Variants in CSMD1 observed in about 807,000 individuals in gnomAD.
CSMD1 encodes the protein CUB and sushi domain-containing protein 1.
In CSMD1, 213 loss-of-function variants were observed where a neutral mutation model predicts 417.5. The observed-to-expected ratio is 0.51, with a 90% CI of 0.46 to 0.57. CSMD1 has a LOEUF of 0.57. Ranked by LOEUF, CSMD1 falls within the 20% of genes least tolerant of loss-of-function variation. The pLI is 0.00. For missense variants in CSMD1, 6,923 were observed against 4,529.7 expected, an observed-to-expected ratio of 1.53 and a Z score of -15.17; for synonymous variants, 2,862 against 1,736.8, an observed-to-expected ratio of 1.65 and a Z score of -16.11.
chr8:3,800,747 G>C lies in CSMD1; in HGVS notation c.819-46705C>G, dbSNP rs191506596. 1.6e-4 allele frequency among the ~76,000 whole-genome samples: 24 copies of C among 152,184 alleles called. No individual in the cohort carries two copies. The East Asian group carries it at 4.7e-3, about 30-fold the overall frequency. On this transcript the variant is annotated intron_variant, in intron 5 of 69. Coordinates refer to ENST00000635120, the MANE Select transcript of CSMD1 (RefSeq NM_033225.6). The stretch of plus-strand genomic sequence containing the variant: ...CTTGAAGGAAAAGATTAGTTTTGTT[G>C]AGGTAGTTTGTTTTTAAGCAAATTC...
chr8:4,155,349 G>T (rs1352974767), intron 3 of CSMD1, among the ~76,000 whole-genome samples: 1 of 152,156 alleles, frequency 6.6e-6, no homozygotes, highest in African/African-American at 2.4e-5. Flanking sequence ...CTCCCGCAGG[G>T]TAAACAGCCA....
At chr8:3,869,877 TG>T in intron 5 of CSMD1, among the ~76,000 whole-genome samples, 1 of 152,322 alleles carries the variant, frequency 6.6e-6, no homozygotes, top group South Asian at 2.1e-4. Context: ...GATCTAATTT[TG>T]TATCAGTAGT....
At chr8:3,901,009 G>A (rs539445482) in intron 5 of CSMD1, among the ~76,000 whole-genome samples, 19 of 152,230 alleles carry the variant, frequency 1.2e-4, no homozygotes, top group African/African-American at 4.6e-4. Flanking sequence ...CTGTCATAGT[G>A]TTATCATTAT....
At chr8:4,276,352 T>C (rs927087856) in intron 3 of CSMD1, among the ~76,000 whole-genome samples, 8 of 152,182 alleles carry the variant, frequency 5.3e-5, no homozygotes, top group African/African-American at 1.2e-4. Context: ...GAAACCGTCA[T>C]TGTCAGCAAA....
chr8:4,951,305 G>C (rs907499164), intron 1 of CSMD1, among the ~76,000 whole-genome samples: 1 of 152,056 alleles, frequency 6.6e-6, no homozygotes, highest in African/African-American at 2.4e-5. Flanking sequence ...CTCAGTCTTT[G>C]AACTGCGGAC....
intron 3 of CSMD1, among the ~76,000 whole-genome samples, chr8:4,289,426 A>T (rs968575166): frequency 3.4e-5 from 4 of 119,152 alleles, no homozygotes; most frequent in African/African-American, 1.2e-4. Flanking sequence ...TGTTTCTCCT[A>T]TTTTTTGCAC....
chr8:4,294,903 A>G (rs945489148), intron 3 of CSMD1, among the ~76,000 whole-genome samples: 2 of 151,904 alleles, frequency 1.3e-5, no homozygotes, highest in South Asian at 2.1e-4. Flanking sequence ...GTATGGAACG[A>G]AAGCCTCAGG....
intron 45 of CSMD1, chr8:3,106,985 G>T: frequency 5.7e-6 from 1 of 176,182 alleles, no homozygotes; most frequent in Admixed American, 6.1e-5. Context: ...AAAATCAAAT[G>T]GCTTTACAGC....
chr8:4,888,842 A>C (rs1803921807), intron 1 of CSMD1, among the ~76,000 whole-genome samples: 1 of 152,146 alleles, frequency 6.6e-6, no homozygotes, highest in Non-Finnish European at 1.5e-5. Flanking sequence ...GGCATCTGGG[A>C]GATTTTCAGC....
At chr8:3,441,908 T>C (rs773875994) in intron 12 of CSMD1, among the ~76,000 whole-genome samples, 5 of 151,960 alleles carry the variant, frequency 3.3e-5, no homozygotes, top group Admixed American at 6.6e-5. Flanking sequence ...GAAGAAGGCA[T>C]TGAGATCACT....
rs368660845 is a variant in CSMD1 at position 2,998,065 on chromosome 8, G to C, written c.8323C>G (p.Arg2775Gly). Residue 2775 changes from arginine (R) to glycine (G), a missense_variant, in exon 54 of 70, where the codon CGA becomes GGA. Coordinates refer to ENST00000635120, the MANE Select transcript of CSMD1 (RefSeq NM_033225.6). ...TGGCCGTTGCTCCGACACTGGGCTC[G>C]AGACACGCCCTGCAGCAAATAGCCC... ...NTGYLLQGVS[R>G]AQCRSNGQWS... The C allele has an allele frequency of 3.1e-6, 5 of 1,613,862 alleles. No individual in the cohort carries two copies. Among genetic ancestry groups the C allele is most frequent in the South Asian group, 1.1e-5 (1 of 91,084 alleles).
chr8:3,167,922 T>C lies in CSMD1; in HGVS notation c.5726-5645A>G, dbSNP rs147737947. 2.6e-5 allele frequency among the ~76,000 whole-genome samples: 4 copies of C among 152,304 alleles called. No individual in the cohort carries two copies. In the East Asian group the frequency reaches 5.8e-4, roughly 22 times the overall value. The stretch of plus-strand genomic sequence containing the variant: ...ATGATTTTAGAACACATGATAAACA[T>C]GCAATTTTAATCAAATACTTAAAAC... On this transcript the variant is annotated intron_variant, in intron 37 of 69. Coordinates refer to ENST00000635120, the MANE Select transcript of CSMD1 (RefSeq NM_033225.6).
intron 3 of CSMD1, among the ~76,000 whole-genome samples, chr8:4,340,193 A>G (rs1037236021): frequency 9.9e-5 from 15 of 152,040 alleles, no homozygotes; most frequent in Admixed American, 5.2e-4. Context: ...CCAAAAAACT[A>G]ATGACACCTT....
At chr8:3,973,401 G>T (rs765162764) in intron 5 of CSMD1, among the ~76,000 whole-genome samples, 1 of 152,180 alleles carries the variant, frequency 6.6e-6, no homozygotes, top group Non-Finnish European at 1.5e-5. Flanking sequence ...GTTGTCACCT[G>T]TCACACCCTA....
At chr8:3,085,356 T>G (rs1814451815) in intron 49 of CSMD1, among the ~76,000 whole-genome samples, 1 of 152,224 alleles carries the variant, frequency 6.6e-6, no homozygotes, top group African/African-American at 2.4e-5. Flanking sequence ...CAGATCTGTT[T>G]TAGAAAAATG....
intron 54 of CSMD1, among the ~76,000 whole-genome samples, chr8:2,992,617 G>C (rs1179660504): frequency 6.6e-6 from 1 of 151,912 alleles, no homozygotes; most frequent in Non-Finnish European, 1.5e-5. Context: ...GTAGAGAGGG[G>C]GGTTTCACCA....
intron 65 of CSMD1, among the ~76,000 whole-genome samples, chr8:2,952,211 T>C (rs746658324): frequency 4.1e-4 from 63 of 152,230 alleles, no homozygotes; most frequent in Non-Finnish European, 7.5e-4. Flanking sequence ...ATAAGATTCA[T>C]GATAAGCATA....
intron 2 of CSMD1, among the ~76,000 whole-genome samples, chr8:4,455,533 C>T (rs758186189): frequency 6.6e-6 from 1 of 152,142 alleles, no homozygotes. Flanking sequence ...AGAAACACAT[C>T]ATGGGCCTCA....
At chr8:3,198,952 T>G (rs1796844335) in intron 33 of CSMD1, among the ~76,000 whole-genome samples, 1 of 152,200 alleles carries the variant, frequency 6.6e-6, no homozygotes, top group African/African-American at 2.4e-5. Context: ...AACACACAGT[T>G]TATCTCTGAA....
Sources: allele counts gnomAD v4.1 joint callset (sites outside exome capture counted in the v4.1 genomes callset), GRCh38; gene constraint gnomAD v4.1.1; transcripts MANE v1.5; gene names NCBI Gene and HGNC (gene_info 2026-07-23, HGNC 2026-07-21).